Variants in DISC1 observed in about 807,000 individuals in gnomAD.
DISC1 encodes disrupted in schizophrenia 1 protein.
A neutral mutation model predicts 84.5 loss-of-function variants in DISC1; 57 were observed. That is an observed-to-expected ratio of 0.67 (90% CI 0.55 to 0.84). DISC1 has a LOEUF of 0.84. DISC1 is among the 40% of genes least tolerant of loss of function. The pLI is 0.00. For missense variants in DISC1, 1,000 were observed against 1,057.8 expected (o/e 0.95, Z 0.76); for synonymous variants, 411 against 415.2 (o/e 0.99, Z 0.12).
chr1:232,019,416 C>T (rs1336852189), intron 11 of DISC1, among the ~76,000 whole-genome samples: 1 of 152,190 alleles, frequency 6.6e-6, no homozygotes, highest in African/African-American at 2.4e-5. Flanking sequence ...ACTGGAGAGT[C>T]TTCAAAGACA....
At chr1:231,788,311 C>G (rs560075546) in intron 6 of DISC1, among the ~76,000 whole-genome samples, 1 of 152,200 alleles carries the variant, frequency 6.6e-6, no homozygotes, top group South Asian at 2.1e-4. Context: ...GTCCAAGAAT[C>G]AAGGTGTCAG....
chr1:231,967,364 G>A (rs1384085287), intron 10 of DISC1, among the ~76,000 whole-genome samples: 2 of 152,250 alleles, frequency 1.3e-5, no homozygotes, highest in Non-Finnish European at 2.9e-5. Context: ...TTACTGGAGT[G>A]TGGGAAGAAC....
At chr1:231,842,293 GA>G (rs565111906) in intron 9 of DISC1, among the ~76,000 whole-genome samples, 192 of 152,288 alleles carry the variant, frequency 1.3e-3, no homozygotes, top group African/African-American at 4.2e-3. Flanking sequence ...GGGATTACGT[GA>G]GCCATTGCGC....
At chr1:231,958,407 C>T (rs12118242) in intron 9 of DISC1, among the ~76,000 whole-genome samples, 2,655 of 152,286 alleles carry the variant, frequency 0.017, 37 homozygotes, top group Non-Finnish European at 0.025. Context: ...TCCTCCTCTA[C>T]CCCTAGTGTG....
chr1:231,850,540 G>A (rs191678364), intron 9 of DISC1, among the ~76,000 whole-genome samples: 22 of 152,344 alleles, frequency 1.4e-4, no homozygotes, highest in Admixed American at 1.4e-3. Context: ...TAATTGTGTG[G>A]ATGGTGACAG....
chr1:231,904,945 GAT>G (rs1384297123), intron 9 of DISC1, among the ~76,000 whole-genome samples: 1 of 152,102 alleles, frequency 6.6e-6, no homozygotes, highest in Non-Finnish European at 1.5e-5. Context: ...CAGTGAATAA[GAT>G]AGAAAAATCT....
At chr1:231,894,125 C>T (rs766774760) in intron 9 of DISC1, among the ~76,000 whole-genome samples, 101 of 152,152 alleles carry the variant, frequency 6.6e-4, no homozygotes, top group African/African-American at 2.1e-3. Flanking sequence ...GAAGAAACAA[C>T]GATCTTCTAA....
At chr1:231,666,181 C>G (rs972483534) in intron 1 of DISC1, among the ~76,000 whole-genome samples, 1 of 151,818 alleles carries the variant, frequency 6.6e-6, no homozygotes, top group Non-Finnish European at 1.5e-5. Context: ...CCACTGCTCA[C>G]TCAGGTTGAG....
At position 231,906,913 on chromosome 1, in the gene DISC1, C is replaced by T. The variant is rs372935818; in HGVS notation, c.1982-51915C>T. On this transcript the variant is annotated intron_variant, in intron 9 of 12. Transcript: ENST00000439617. ...AATAACTACATTACAAATTTTGTCT[C>T]GATGTGGTTTTTAAGCCTAAAGAAT... 5.9e-5 allele frequency among the ~76,000 whole-genome samples: 9 copies of T among 152,212 alleles called. No homozygotes were observed. The South Asian group carries it at 8.3e-4, about 14-fold the overall frequency.
chr1:231,670,535 T>G (rs971491442), intron 1 of DISC1: 11 of 152,238 alleles, frequency 7.2e-5, no homozygotes, highest in African/African-American at 2.7e-4. Context: ...AAGGCTTTGG[T>G]AAACGAGGAA....
chr1:231,910,805 A>T (rs1324270631), intron 9 of DISC1, among the ~76,000 whole-genome samples: 1 of 152,094 alleles, frequency 6.6e-6, no homozygotes, highest in African/African-American at 2.4e-5. Flanking sequence ...ATTGTGTGGG[A>T]ATCTAAGTCT....
At chr1:231,760,553 G>A (rs76539857) in intron 4 of DISC1, among the ~76,000 whole-genome samples, 1 of 152,240 alleles carries the variant, frequency 6.6e-6, no homozygotes, top group Non-Finnish European at 1.5e-5. Context: ...TGAGAACATC[G>A]GCCTTGTTAG....
chr1:231,751,173 C>T (rs1010912900), intron 4 of DISC1, among the ~76,000 whole-genome samples: 3 of 152,214 alleles, frequency 2.0e-5, no homozygotes, highest in African/African-American at 4.8e-5. Flanking sequence ...ATCATTGCAA[C>T]ATTGCGTGTT....
chr1:231,709,814 C>G (rs958471398), intron 3 of DISC1, among the ~76,000 whole-genome samples: 1 of 152,164 alleles, frequency 6.6e-6, no homozygotes, highest in African/African-American at 2.4e-5. Flanking sequence ...ATGCATCTGC[C>G]TATGAGAATC....
At chr1:231,814,447 T>C (rs1288510329) in intron 8 of DISC1, among the ~76,000 whole-genome samples, 1 of 152,242 alleles carries the variant, frequency 6.6e-6, no homozygotes, top group African/African-American at 2.4e-5. Context: ...ATAGCTCTTT[T>C]AGATGTATTT....
intron 5 of DISC1, among the ~76,000 whole-genome samples, chr1:231,770,110 GTTAA>G (rs781285354): frequency 6.6e-6 from 1 of 152,132 alleles, no homozygotes; most frequent in East Asian, 1.9e-4. Flanking sequence ...ATGGGAGTAT[GTTAA>G]TTAAGAGTCT....
At chr1:231,886,805 T>TTCTTTC (rs1553384612) in intron 9 of DISC1, among the ~76,000 whole-genome samples, 51 of 145,288 alleles carry the variant, frequency 3.5e-4, no homozygotes, top group Non-Finnish European at 6.9e-4. Context: ...CTTTCTTTCT[T>TTCTTTC]TCTTTCTTTC....
rs1670002925 is a variant in DISC1 at position 232,031,241 on chromosome 1, GGAA to G, written c.2425+4691_2425+4693del. On this transcript the variant is annotated intron_variant, in intron 12 of 12. Coordinates refer to ENST00000439617, the MANE Select transcript of DISC1 (RefSeq NM_018662.3). This position sits in a 1 kb window ranked among gnomAD's most constrained non-coding sequence, Gnocchi z 4.6. ...AGGGAGAAAGAGAGAGAGAAAGAGA[GGAA>G]GGAAGGAAGGAGAAAGAAAGATAAA... 6.9e-6 allele frequency among the ~76,000 whole-genome samples: 1 copy of G among 145,960 alleles called. No homozygotes were observed. The highest frequency in any genetic ancestry group is 1.5e-5 in the Non-Finnish European group (1 of 66,580).
At chr1:231,756,913 T>G (rs1261337317) in intron 4 of DISC1, among the ~76,000 whole-genome samples, 1 of 152,200 alleles carries the variant, frequency 6.6e-6, no homozygotes, top group Non-Finnish European at 1.5e-5. Flanking sequence ...GTTGCTAAAA[T>G]TTTTTTAAAA....
Sources: allele counts gnomAD v4.1 joint callset (sites outside exome capture counted in the v4.1 genomes callset), GRCh38; gene constraint gnomAD v4.1.1; non-coding constraint Gnocchi (gnomAD v3.1); transcripts MANE v1.5; gene names NCBI Gene and HGNC (gene_info 2026-07-23, HGNC 2026-07-21).